The following DAPP1 variants were observed in gnomAD, a reference collection of about 807,000 sequenced individuals.
DAPP1 encodes dual adapter for phosphotyrosine and 3-phosphotyrosine and 3-phosphoinositide.
DAPP1 carries 20 observed loss-of-function variants against 41.5 expected under a neutral mutation model. The observed-to-expected ratio is 0.48, with a 90% CI of 0.34 to 0.70. The LOEUF (loss-of-function observed/expected upper bound fraction) is 0.70. Among genes scored for constraint, DAPP1 ranks in the 30% least tolerant of loss-of-function variants. The probability of loss-of-function intolerance (pLI) is 0.01; values close to 1 mark genes in which losing one functional copy is unlikely to be tolerated. For synonymous variants in DAPP1, 113 were observed against 116.2 expected (o/e 0.97, Z 0.18); for missense variants, 233 against 333.4 (o/e 0.70, Z 2.35).
At chr4:99,848,604 A>T (rs747595832) in intron 3 of DAPP1, among the ~76,000 whole-genome samples, 3 of 152,134 alleles carry the variant, frequency 2.0e-5, no homozygotes, top group Non-Finnish European at 4.4e-5. Flanking sequence ...CAACCAAGAG[A>T]CAACAAGGAA....
In DAPP1 at chr4:99,868,318, A is replaced by ATTTGT; in HGVS notation, c.*135_*136insTGTTT. On this transcript the variant is annotated 3_prime_UTR_variant, in exon 9 of 9. Coordinates refer to ENST00000512369, the MANE Select transcript of DAPP1 (RefSeq NM_014395.3). ...AAAAACAAATCAGAAGCAGATGCTG[A>ATTTGT]TTGGGACCCATATACCACGTTGCTG... is the stretch of plus-strand genomic sequence containing the variant. 1.3e-6 allele frequency: 1 copy of ATTTGT among 785,022 alleles called. No individual in the cohort carries two copies. Among genetic ancestry groups the ATTTGT allele is most frequent in the Non-Finnish European group, 2.1e-6 (1 of 473,106 alleles). The allele number at this position is 785,022 out of a possible 1,614,324, so 48.6% of individuals were successfully genotyped here.
chr4:99,853,418 T>C, intron 4 of DAPP1, 70 bp downstream of exon 4: 1 of 1,528,504 alleles, frequency 6.5e-7, no homozygotes, highest in East Asian at 2.4e-5. Context: ...TAAAAGTTAA[T>C]AAGAGTGTAT....
chr4:99,844,316 C>T (rs577761902), intron 3 of DAPP1: 1 of 152,114 alleles, frequency 6.6e-6, no homozygotes, highest in South Asian at 2.1e-4. Context: ...GTGGGCAGGC[C>T]GGTTGGAGTT....
chr4:99,821,187 C>G (rs1056611229), intron 1 of DAPP1, among the ~76,000 whole-genome samples: 7 of 152,184 alleles, frequency 4.6e-5, no homozygotes, highest in African/African-American at 1.4e-4. Context: ...TGTGATAGTC[C>G]TAATTTACTG....
downstream of DAPP1, among the ~76,000 whole-genome samples, chr4:99,871,437 C>T (rs1034331710): frequency 4.6e-5 from 7 of 151,874 alleles, no homozygotes; most frequent in African/African-American, 1.7e-4. Flanking sequence ...TATAATCTAT[C>T]ACAGACTGAG....
chr4:99,850,323 T>A (rs957228413), intron 3 of DAPP1, among the ~76,000 whole-genome samples: 1 of 151,820 alleles, frequency 6.6e-6, no homozygotes, highest in Non-Finnish European at 1.5e-5. Context: ...GGCAGGAGAA[T>A]CGCTTGAACC....
chr4:99,816,887 C>G lies in DAPP1; in HGVS notation c.-27C>G. ...TGTCAGGAGCAGCCCAGTTGTGTCT[C>G]TCTCTCTACCTCTGTGAAGGGCGCG... is the stretch of plus-strand genomic sequence containing the variant. On this transcript the variant is annotated 5_prime_UTR_variant, in exon 1 of 9. Transcript: ENST00000512369. 1 of 1,582,388 alleles carries G rather than the reference C, an allele frequency of 6.3e-7. No individual in the cohort carries two copies. Among genetic ancestry groups the G allele is most frequent in the Non-Finnish European group, 8.6e-7 (1 of 1,163,782 alleles).
chr4:99,846,967 T>A (rs1470450151), intron 3 of DAPP1, among the ~76,000 whole-genome samples: 1 of 152,214 alleles, frequency 6.6e-6, no homozygotes, highest in Non-Finnish European at 1.5e-5. Context: ...AGAAATCTAC[T>A]TCTCATTGGA....
Position 99,840,275 on chromosome 4 carries a change from T to C in DAPP1, c.225-14T>C, listed in dbSNP as rs564612149. ...TTTGTTAAATAATATTAAATACTTCTTTTTCCCTTTTAGGGCCAAAGATTC... is the reference window on the plus strand; with the variant it reads ...TTTGTTAAATAATATTAAATACTTCCTTTTCCCTTTTAGGGCCAAAGATTC... On this transcript the variant is annotated splice_polypyrimidine_tract_variant and intron_variant, in intron 2 of 8. Transcript: ENST00000512369. 69 of 1,470,314 alleles carry C rather than the reference T, an allele frequency of 4.7e-5. No individual in the cohort carries two copies. The East Asian group carries it at 1.5e-3, about 33-fold the overall frequency. 91.1% of individuals were successfully genotyped at this position (1,470,314 alleles called of 1,614,324 possible). A position where few individuals can be genotyped will look rare whatever the true frequency, so the allele number is the denominator to read the frequency against.
rs1222701024 is a variant in DAPP1 at position 99,824,880 on chromosome 4, G to A, written c.101+7866G>A. 3.3e-5 allele frequency among the ~76,000 whole-genome samples: 5 copies of A among 152,206 alleles called. 1 individual carries two copies. In the East Asian group the frequency reaches 9.7e-4, roughly 29 times the overall value. On this transcript the variant is annotated intron_variant, in intron 1 of 8. Coordinates refer to ENST00000512369, the MANE Select transcript of DAPP1 (RefSeq NM_014395.3). ...GCAGTGGTGCTTTTTTGGTCTTGCA[G>A]CCATTCCTGTACTGTGAAGGCTTCC...
chr4:99,856,516 A>T (rs536102626), intron 4 of DAPP1, among the ~76,000 whole-genome samples: 2 of 152,232 alleles, frequency 1.3e-5, no homozygotes, highest in East Asian at 3.9e-4. Context: ...TTATTGAGGT[A>T]ATGAGGGGTC....
chr4:99,825,189 C>A (rs80062446), intron 1 of DAPP1, among the ~76,000 whole-genome samples: 8,981 of 152,210 alleles, frequency 0.059, 370 homozygotes, highest in Middle Eastern at 0.15. Context: ...GCGAGTCTAT[C>A]TTGGTCTCTT....
intron 3 of DAPP1, among the ~76,000 whole-genome samples, chr4:99,846,205 T>G (rs942488627): frequency 2.0e-5 from 3 of 152,238 alleles, no homozygotes; most frequent in African/African-American, 7.2e-5. Flanking sequence ...CTTTGATTTA[T>G]ACATGTCAAC....
intron 1 of DAPP1, among the ~76,000 whole-genome samples, chr4:99,833,865 A>C (rs1295226491): frequency 6.6e-6 from 1 of 152,240 alleles, no homozygotes. Flanking sequence ...CAATTAACGC[A>C]TACTAAGCAC....
chr4:99,848,557 A>G (rs2110154311), intron 3 of DAPP1, among the ~76,000 whole-genome samples: 1 of 152,238 alleles, frequency 6.6e-6, no homozygotes, highest in African/African-American at 2.4e-5. Context: ...AAAGGATATT[A>G]ACAATATACC....
At chr4:99,839,696 G>A (rs1723431001) in intron 2 of DAPP1, among the ~76,000 whole-genome samples, 1 of 152,124 alleles carries the variant, frequency 6.6e-6, no homozygotes, top group African/African-American at 2.4e-5. Context: ...CCCCTTAGCA[G>A]CATAATGTTC....
At chr4:99,848,354 A>G (rs867832291) in intron 3 of DAPP1, among the ~76,000 whole-genome samples, 1 of 151,660 alleles carries the variant, frequency 6.6e-6, no homozygotes, top group African/African-American at 2.4e-5. Context: ...CAGCCTCCCA[A>G]GTAGCTGGGA....
intron 3 of DAPP1, chr4:99,844,734 A>ATT (rs1298405640): frequency 6.6e-6 from 1 of 152,204 alleles, no homozygotes; most frequent in Non-Finnish European, 1.5e-5. Flanking sequence ...TTGGTTCCCA[A>ATT]TTTTAAAGAT....
chr4:99,862,359 T>G, intron 5 of DAPP1, among the ~76,000 whole-genome samples: 1 of 152,174 alleles, frequency 6.6e-6, no homozygotes, highest in East Asian at 1.9e-4. Flanking sequence ...ACACCCAGGA[T>G]AGAGTAGGAT....
Sources: allele counts gnomAD v4.1 joint callset (sites outside exome capture counted in the v4.1 genomes callset), GRCh38; gene constraint gnomAD v4.1.1; transcripts MANE v1.5; gene names NCBI Gene and HGNC (gene_info 2026-07-23, HGNC 2026-07-21).